The following NTM variants were observed in gnomAD, a reference collection of about 807,000 sequenced individuals.
NTM encodes the protein IgLON family member 2.
NTM carries 13 observed loss-of-function variants against 42.1 expected under a neutral mutation model. The ratio of observed to expected loss-of-function variants is 0.31; its 90% CI spans 0.20 to 0.49. The LOEUF (loss-of-function observed/expected upper bound fraction) is 0.49. NTM is among the 20% of genes least tolerant of loss of function. The pLI is 0.99. For missense variants in NTM, 373 were observed against 452.8 expected (o/e 0.82, Z 1.60); for synonymous variants, 187 against 179.2 (o/e 1.04, Z -0.35).
intron 1 of NTM, among the ~76,000 whole-genome samples, chr11:131,680,469 CTG>C (rs370862745): frequency 1.5e-4 from 7 of 47,108 alleles, no homozygotes; most frequent in Middle Eastern, 0.012. Flanking sequence ...CTGTGAGTGC[CTG>C]TGTGTGTGCA....
Position 132,003,779 on chromosome 11 carries a change from T to C in NTM, c.167+92131T>C, listed in dbSNP as rs564230150. On this transcript the variant is annotated intron_variant, in intron 2 of 8. Transcript: ENST00000683400. The surrounding 1 kb of genome is among the most constrained non-coding windows in gnomAD (Gnocchi z 6.0). ...AATCTACACAGAGAAATCCCTGAGC[T>C]TTACTTTTTCTGGACCTGCCACTTA... Among the ~76,000 whole-genome samples the C allele has an allele frequency of 2.0e-5, 3 of 152,300 alleles. No homozygotes were observed. In the South Asian group the frequency reaches 6.2e-4, roughly 32 times the overall value.
chr11:131,773,975 G>C, intron 1 of NTM: 1 of 981,538 alleles, frequency 1.0e-6, no homozygotes, highest in Non-Finnish European at 1.2e-6. Context: ...ATAGTGTTAA[G>C]GACCTCCAAT....
At chr11:132,331,088 C>T (rs2095793894) in intron 8 of NTM, among the ~76,000 whole-genome samples, 1 of 152,226 alleles carries the variant, frequency 6.6e-6, no homozygotes, top group Non-Finnish European at 1.5e-5. Context: ...AACCTGTACC[C>T]AGGTGGAGCA....
At chr11:131,971,853 G>A (rs188323796) in intron 2 of NTM, among the ~76,000 whole-genome samples, 20 of 151,610 alleles carry the variant, frequency 1.3e-4, no homozygotes, top group Non-Finnish European at 2.8e-4. Context: ...GACCATCCTC[G>A]CTAACATGGT....
At chr11:131,778,542 A>T (rs7125172) in intron 1 of NTM, among the ~76,000 whole-genome samples, 137,778 of 152,270 alleles carry the variant, frequency 0.9, 62,503 homozygotes, top group East Asian at 1. Context: ...TCACTTTAGT[A>T]GTCATCAGGA....
intron 4 of NTM, among the ~76,000 whole-genome samples, chr11:132,263,197 C>T (rs1229150711): frequency 6.6e-6 from 1 of 152,350 alleles, no homozygotes; most frequent in East Asian, 1.9e-4. Flanking sequence ...CCTTGGGCAG[C>T]TCCAACCCCA....
chr11:131,749,652 G>A (rs1451412957), intron 1 of NTM, among the ~76,000 whole-genome samples: 1 of 152,130 alleles, frequency 6.6e-6, no homozygotes, highest in Non-Finnish European at 1.5e-5. Context: ...AGGCTGGAGT[G>A]CAATGGCATG....
Position 131,574,825 on chromosome 11 carries a change from G to A in NTM, c.82+203937G>A, listed in dbSNP as rs544074387. Among the ~76,000 whole-genome samples the A allele has an allele frequency of 2.0e-5, 3 of 152,118 alleles. No homozygotes were observed. The South Asian group carries it at 6.2e-4, about 32-fold the overall frequency. On this transcript the variant is annotated intron_variant, in intron 1 of 8. Coordinates refer to ENST00000683400, the MANE Select transcript of NTM (RefSeq NM_001352005.2). ...AGCCTCAAAGTCCCTTGGCATCGAC[G>A]GGGGCTGCTCCCTCCCCACTCCCCA...
chr11:132,180,103 G>A (rs1592055138), intron 3 of NTM, among the ~76,000 whole-genome samples: 1 of 152,146 alleles, frequency 6.6e-6, no homozygotes, highest in African/African-American at 2.4e-5. Flanking sequence ...ATACAAAAGG[G>A]ATTGATTGTC....
rs115906025 is a variant in NTM, at chr11:131,918,363, T to G, written c.167+6715T>G. ...CTGCTGGTTTAGTCCGTACCACACCTTGCGTTCTTATGCTTTGACTCTCAT... is the reference window on the plus strand; with the variant it reads ...CTGCTGGTTTAGTCCGTACCACACCGTGCGTTCTTATGCTTTGACTCTCAT... On this transcript the variant is annotated intron_variant, in intron 2 of 8. Coordinates refer to ENST00000683400, the MANE Select transcript of NTM (RefSeq NM_001352005.2). 2.7e-3 allele frequency among the ~76,000 whole-genome samples: 411 copies of G among 152,324 alleles called. 1 individual carries two copies. Among genetic ancestry groups the G allele is most frequent in the African/African-American group, 9.6e-3 (399 of 41,572 alleles).
At chr11:131,604,873 A>T (rs576929366) in intron 1 of NTM, among the ~76,000 whole-genome samples, 2 of 140,078 alleles carry the variant, frequency 1.4e-5, no homozygotes, top group Non-Finnish European at 3.2e-5. Context: ...TATATTATAT[A>T]TGTGAGGGTT....
intron 1 of NTM, chr11:131,536,367 A>T (rs1333951819): frequency 2.0e-5 from 3 of 152,254 alleles, no homozygotes; most frequent in Non-Finnish European, 4.4e-5. Flanking sequence ...AGCACGCATT[A>T]CATTTACTCA....
Position 132,128,029 on chromosome 11 carries a change from C to G in NTM, c.168-18253C>G, listed in dbSNP as rs77411135. Among the ~76,000 whole-genome samples the G allele has an allele frequency of 2.6e-3, 403 of 152,316 alleles. 1 individual carries two copies. Among genetic ancestry groups the G allele is most frequent in the Non-Finnish European group, 4.8e-3 (324 of 68,032 alleles). ...AAGGATATTCTCATATTTGGGCACT[C>G]TCATCCATATGTCCTCTCCTTTTCC... On this transcript the variant is annotated intron_variant, in intron 2 of 8. Transcript: ENST00000683400.
intron 1 of NTM, among the ~76,000 whole-genome samples, chr11:131,730,787 G>T (rs2135482037): frequency 6.6e-6 from 1 of 151,668 alleles, no homozygotes; most frequent in African/African-American, 2.4e-5. Context: ...AATGGATCTG[G>T]GGTGCCTCTT....
chr11:132,314,826 A>AG (rs1315293119), intron 7 of NTM, 123 bp downstream of exon 7: 1 of 1,393,552 alleles, frequency 7.2e-7, no homozygotes, highest in African/African-American at 1.4e-5. Context: ...ATGGAGAGGG[A>AG]GGAAAAAAAA....
At chr11:131,967,491 A>G (rs1417739074) in intron 2 of NTM, among the ~76,000 whole-genome samples, 1 of 152,148 alleles carries the variant, frequency 6.6e-6, no homozygotes, top group Non-Finnish European at 1.5e-5. Context: ...AAGGCCAAAC[A>G]GGAGGCTGGT....
intron 2 of NTM, among the ~76,000 whole-genome samples, chr11:131,924,965 G>C (rs890109712): frequency 8.5e-5 from 13 of 152,172 alleles, no homozygotes; most frequent in Non-Finnish European, 1.8e-4. Context: ...TTTTGCATGT[G>C]TCTGAAAGTG....
At chr11:131,680,511 C>CTG (rs5795738) in intron 1 of NTM, among the ~76,000 whole-genome samples, 148 of 51,832 alleles carry the variant, frequency 2.9e-3, no homozygotes, top group Middle Eastern at 0.021. Context: ...GCCTCTGTGT[C>CTG]TGTGTGAGAT....
chr11:131,936,080 T>C lies in NTM; in HGVS notation c.167+24432T>C, dbSNP rs192271078. Among the ~76,000 whole-genome samples, 17 of 152,224 alleles carry C rather than the reference T, an allele frequency of 1.1e-4. No individual in the cohort carries two copies. In the East Asian group the frequency reaches 3.1e-3, roughly 28 times the overall value. On this transcript the variant is annotated intron_variant, in intron 2 of 8. Coordinates refer to ENST00000683400, the MANE Select transcript of NTM (RefSeq NM_001352005.2). Reference sequence around the variant, plus strand: ...CTCCTAAGAATATCAATATAAAAATTGGTGTTGAGAGTGATGGTCGAGAGA... The same window carrying C: ...CTCCTAAGAATATCAATATAAAAATCGGTGTTGAGAGTGATGGTCGAGAGA...
Sources: allele counts gnomAD v4.1 joint callset (sites outside exome capture counted in the v4.1 genomes callset), GRCh38; gene constraint gnomAD v4.1.1; non-coding constraint Gnocchi (gnomAD v3.1); transcripts MANE v1.5; gene names NCBI Gene and HGNC (gene_info 2026-07-23, HGNC 2026-07-21).